The following TAX1BP1 variants were observed in gnomAD, a reference collection of about 807,000 sequenced individuals.
TAX1BP1 encodes the protein Tax1 binding protein 1.
Under a neutral mutation model 97.7 loss-of-function variants are expected in TAX1BP1, and 62 were observed. The observed-to-expected ratio is 0.63, with a 90% confidence interval of 0.52 to 0.78. The LOEUF (loss-of-function observed/expected upper bound fraction) is 0.78. Ranked by LOEUF, TAX1BP1 falls within the 30% of genes least tolerant of loss-of-function variation. The probability of loss-of-function intolerance (pLI) is 0.00; values close to 1 mark genes in which losing one functional copy is unlikely to be tolerated. For synonymous variants in TAX1BP1, 340 were observed against 304.2 expected (o/e 1.12, Z -1.23); for missense variants, 867 against 916.1 (o/e 0.95, Z 0.69).
chr7:27,777,443 AT>A (rs1789074113), intron 5 of TAX1BP1, among the ~76,000 whole-genome samples: 1 of 152,124 alleles, frequency 6.6e-6, no homozygotes, highest in African/African-American at 2.4e-5. Flanking sequence ...TTGTTCTCCC[AT>A]GAATTATGAG....
At chr7:27,791,462 C>T (rs1343943691) in intron 8 of TAX1BP1, among the ~76,000 whole-genome samples, 3 of 152,046 alleles carry the variant, frequency 2.0e-5, no homozygotes, top group African/African-American at 4.8e-5. Flanking sequence ...CCCAATGCCT[C>T]GTCTTTACTA....
At chr7:27,818,132 T>C (rs184958204) in intron 15 of TAX1BP1, among the ~76,000 whole-genome samples, 2 of 152,320 alleles carry the variant, frequency 1.3e-5, no homozygotes, top group African/African-American at 2.4e-5. Context: ...AGATGTTACA[T>C]GTGACAAGCC....
At chr7:27,741,950 T>C (rs1787626962) in intron 1 of TAX1BP1, among the ~76,000 whole-genome samples, 2 of 152,176 alleles carry the variant, frequency 1.3e-5, no homozygotes, top group Admixed American at 6.5e-5. Context: ...AGGTAAAGAA[T>C]CAAGTGCTGT....
intron 11 of TAX1BP1, 79 bp downstream of exon 11, chr7:27,794,525 T>C: frequency 1.4e-6 from 2 of 1,382,366 alleles, no homozygotes; most frequent in South Asian, 3.9e-5. Flanking sequence ...TGTGTTAGAA[T>C]TTCAGGATGT....
chr7:27,794,855 A>G (rs1286179061), intron 11 of TAX1BP1, among the ~76,000 whole-genome samples: 6 of 152,114 alleles, frequency 3.9e-5, no homozygotes, highest in Non-Finnish European at 7.4e-5. Flanking sequence ...ATCCCCTATT[A>G]TTCTCATATT....
intron 15 of TAX1BP1, among the ~76,000 whole-genome samples, chr7:27,826,870 G>A (rs1418020883): frequency 6.6e-6 from 1 of 152,148 alleles, no homozygotes; most frequent in Non-Finnish European, 1.5e-5. Context: ...GCTTTAACAC[G>A]TGTTAATCCA....
chr7:27,823,906 A>G (rs878970820), intron 15 of TAX1BP1, among the ~76,000 whole-genome samples: 1 of 152,188 alleles, frequency 6.6e-6, no homozygotes, highest in Non-Finnish European at 1.5e-5. Flanking sequence ...TAATGACTTC[A>G]AGGTTCATCC....
intron 13 of TAX1BP1, among the ~76,000 whole-genome samples, chr7:27,803,461 G>A (rs1487050944): frequency 6.6e-6 from 1 of 152,210 alleles, no homozygotes; most frequent in African/African-American, 2.4e-5. Context: ...TGAAAGTGTG[G>A]TCTGTGGTCC....
At chr7:27,783,672 C>G (rs1789351726) in intron 5 of TAX1BP1, among the ~76,000 whole-genome samples, 2 of 152,098 alleles carry the variant, frequency 1.3e-5, no homozygotes, top group South Asian at 4.1e-4. Context: ...TCATTACTTA[C>G]AGGATTGGAA....
intron 8 of TAX1BP1, 128 bp downstream of exon 8, chr7:27,787,731 A>G (rs1562722013): frequency 4.6e-6 from 4 of 869,284 alleles, no homozygotes; most frequent in Non-Finnish European, 6.8e-6. Flanking sequence ...AAACAGTTGG[A>G]AGAACAGAAC....
At chr7:27,828,291 A>G (rs1241575215) in intron 16 of TAX1BP1, among the ~76,000 whole-genome samples, 1 of 152,222 alleles carries the variant, frequency 6.6e-6, no homozygotes, top group Non-Finnish European at 1.5e-5. Flanking sequence ...AGTTGTATTT[A>G]TCCTTACAGT....
At chr7:27,768,352 A>G (rs189220046) in intron 4 of TAX1BP1, among the ~76,000 whole-genome samples, 13 of 152,156 alleles carry the variant, frequency 8.5e-5, no homozygotes, top group Admixed American at 8.5e-4. Context: ...TATGCTTAAC[A>G]TATTCCAAAA....
chr7:27,785,345 A>C, intron 6 of TAX1BP1, 34 bp downstream of exon 6: 2 of 1,588,130 alleles, frequency 1.3e-6, no homozygotes, highest in Non-Finnish European at 1.7e-6. Flanking sequence ...TAAATTCAAT[A>C]AAAATTTTAA....
chr7:27,814,319 C>T (rs1583404684), intron 13 of TAX1BP1, among the ~76,000 whole-genome samples: 1 of 152,214 alleles, frequency 6.6e-6, no homozygotes, highest in African/African-American at 2.4e-5. Context: ...GCCATCATGT[C>T]CAGCCTGTTC....
intron 2 of TAX1BP1, among the ~76,000 whole-genome samples, chr7:27,756,186 G>A (rs934602436): frequency 4.6e-5 from 7 of 152,058 alleles, no homozygotes; most frequent in African/African-American, 1.7e-4. Context: ...GTTCCTTCCA[G>A]TATTATCCAC....
At position 27,799,922 on chromosome 7, in the gene TAX1BP1, C is replaced by A. The variant is rs769275287; in HGVS notation, c.1639-43C>A. Reference sequence around the variant, plus strand: ...TACATTAGTATAGATTTTCACTCTACATGAATTTAAAATCTTTTGGTAATT... The same window carrying A: ...TACATTAGTATAGATTTTCACTCTAAATGAATTTAAAATCTTTTGGTAATT... On this transcript the variant is annotated intron_variant, in intron 12 of 16. Transcript: ENST00000396319. 5.3e-6 allele frequency: 8 copies of A among 1,503,924 alleles called. No individual in the cohort carries two copies. In the South Asian group the frequency reaches 9.0e-5, roughly 17 times the overall value. The allele number at this position is 1,503,924 out of a possible 1,614,324, so 93.2% of individuals were successfully genotyped here. A position where few individuals can be genotyped will look rare whatever the true frequency, so the allele number is the denominator to read the frequency against.
At chr7:27,809,346 C>T (rs1790464328) in intron 13 of TAX1BP1, among the ~76,000 whole-genome samples, 1 of 152,194 alleles carries the variant, frequency 6.6e-6, no homozygotes, top group African/African-American at 2.4e-5. Flanking sequence ...ACAGGTACCA[C>T]AACCATTACT....
Position 27,793,163 on chromosome 7 carries a change from A to T in TAX1BP1, c.1361A>T (p.Lys454Met). The stretch of plus-strand genomic sequence containing the variant: ...GCAGACCATTATAAAGAAAAATTTA[A>T]GGAATGCCAAAGGCTCCAAAAACAA... Reference protein sequence around the residue: ...MAADHYKEKFKECQRLQKQIN... With the variant: ...MAADHYKEKFMECQRLQKQIN... The change falls in exon 10 of 17, where the codon AAG (lysine) becomes ATG (methionine). Residue 454 changes from lysine to methionine, a missense_variant. This residue lies in a region of TAX1BP1 where 822 missense variants were observed against 851.4 expected (regional missense o/e 0.97). Coordinates refer to ENST00000396319, the MANE Select transcript of TAX1BP1 (RefSeq NM_006024.7). The T allele has an allele frequency of 6.3e-7, 1 of 1,595,406 alleles. No individual in the cohort carries two copies. Among genetic ancestry groups the T allele is most frequent in the Non-Finnish European group, 8.5e-7 (1 of 1,175,900 alleles).
chr7:27,808,049 G>T (rs1790408445), intron 13 of TAX1BP1, among the ~76,000 whole-genome samples: 1 of 152,026 alleles, frequency 6.6e-6, no homozygotes, highest in South Asian at 2.1e-4. Flanking sequence ...GGCTCATCTT[G>T]TTATTTTCCT....
Sources: allele counts gnomAD v4.1 joint callset (sites outside exome capture counted in the v4.1 genomes callset), GRCh38; gene constraint gnomAD v4.1.1; regional missense constraint gnomAD v4.1.1; transcripts MANE v1.5; gene names NCBI Gene and HGNC (gene_info 2026-07-23, HGNC 2026-07-21).